Variants in PCDHGA3 observed in about 807,000 individuals in gnomAD.
The protein encoded by PCDHGA3 is protocadherin gamma subfamily A, 3.
A neutral mutation model predicts 58.5 loss-of-function variants in PCDHGA3; 40 were observed. The ratio of observed to expected loss-of-function variants is 0.68; its 90% CI spans 0.53 to 0.89. The LOEUF is 0.89. Ranked by LOEUF, PCDHGA3 falls within the 40% of genes least tolerant of loss-of-function variation. PCDHGA3 has a pLI of 0.00. For synonymous variants in PCDHGA3, 530 were observed against 525.7 expected, an observed-to-expected ratio of 1.01 and a Z score of -0.11; for missense variants, 1,223 against 1,195.9, an observed-to-expected ratio of 1.02 and a Z score of -0.33.
intron 1 of PCDHGA3, chr5:141,388,395 C>A (rs1445370262): frequency 2.5e-6 from 4 of 1,613,810 alleles, no homozygotes; most frequent in African/African-American, 2.7e-5. Flanking sequence ...GCAGAATTAC[C>A]AACTCAGTCC....
chr5:141,495,107 A>G (rs559621284), intron 2 of PCDHGA3, among the ~76,000 whole-genome samples: 1 of 152,166 alleles, frequency 6.6e-6, no homozygotes, highest in East Asian at 1.9e-4. Flanking sequence ...CACGACCGGC[A>G]CCTTTTCCTA....
At chr5:141,404,642 T>C in intron 1 of PCDHGA3, 20 of 1,614,190 alleles carry the variant, frequency 1.2e-5, no homozygotes, top group Non-Finnish European at 1.7e-5. Flanking sequence ...AGAAATCCTG[T>C]ACCCTGCCCT....
intron 1 of PCDHGA3, among the ~76,000 whole-genome samples, chr5:141,445,441 C>T (rs1201825256): frequency 6.6e-6 from 1 of 152,152 alleles, no homozygotes; most frequent in Admixed American, 6.6e-5. Context: ...GACCTATGGA[C>T]TAAGGATGCA....
chr5:141,359,488 T>C (rs1295415918), intron 1 of PCDHGA3, among the ~76,000 whole-genome samples: 2 of 151,294 alleles, frequency 1.3e-5, no homozygotes, highest in Non-Finnish European at 2.9e-5. Context: ...TATATTCATA[T>C]TACGGACTAC....
At chr5:141,441,793 C>T (rs961624726) in intron 1 of PCDHGA3, 7 of 391,390 alleles carry the variant, frequency 1.8e-5, no homozygotes, top group Non-Finnish European at 3.6e-5. Flanking sequence ...AATGACAACG[C>T]ACCGCGGGTG....
rs1332652972 is a variant in PCDHGA3, at chr5:141,432,381, C to T, written c.2425-62426C>T. On this transcript the variant is annotated intron_variant, in intron 1 of 3. Transcript: ENST00000253812. The surrounding 1 kb of genome is among the most constrained non-coding windows in gnomAD (Gnocchi z 6.0). ...ATGGCGCGGGACAACGGGCACCCGCCCCTCAGCAGCAACGTGTCGTTGAGC... is the reference window on the plus strand; with the variant it reads ...ATGGCGCGGGACAACGGGCACCCGCTCCTCAGCAGCAACGTGTCGTTGAGC... 1 of 1,614,256 alleles carries T rather than the reference C, an allele frequency of 6.2e-7. No homozygotes were observed. The highest frequency in any genetic ancestry group is 1.1e-5 in the South Asian group (1 of 91,082).
chr5:141,372,221 G>A (rs1229058896), intron 1 of PCDHGA3: 1 of 1,613,398 alleles, frequency 6.2e-7, no homozygotes, highest in African/African-American at 1.3e-5. Context: ...ACCACATTGT[G>A]CAGGCCAGCG....
chr5:141,419,967 TTCTC>T (rs1324855239), intron 1 of PCDHGA3: 2 of 1,614,086 alleles, frequency 1.2e-6, no homozygotes, highest in Admixed American at 3.3e-5. Context: ...TCTGTGCTCT[TTCTC>T]CTCGCGGTGA....
At chr5:141,504,959 T>C (rs1297800554) in intron 2 of PCDHGA3, among the ~76,000 whole-genome samples, 2 of 152,038 alleles carry the variant, frequency 1.3e-5, no homozygotes, top group Non-Finnish European at 2.9e-5. Flanking sequence ...GTTCAATGCA[T>C]TGGACCAGCC....
chr5:141,418,150 A>C (rs1377300460), intron 1 of PCDHGA3: 2 of 1,614,112 alleles, frequency 1.2e-6, no homozygotes, highest in Non-Finnish European at 8.5e-7. Context: ...AAATATGCAA[A>C]GAGAGAAGAA....
chr5:141,380,680 C>A (rs952566953), intron 1 of PCDHGA3, among the ~76,000 whole-genome samples: 2 of 152,184 alleles, frequency 1.3e-5, no homozygotes, highest in Middle Eastern at 3.2e-3. Context: ...GGTATGTATG[C>A]TTTGTGTTCG....
In PCDHGA3 at chr5:141,511,035, C is replaced by T. The variant is rs373005862; in HGVS notation, c.2661C>T (p.His887=). Residue 887 remains histidine (H), a synonymous_variant, in exon 4 of 4, where the codon CAC becomes CAT. Transcript: ENST00000253812. ...ACGGACCCCAGTTCACCCTGCAGCA[C>T]GTGCCCGACTACCGCCAGAATGTCT... ...ARYGPQFTLQ[H]VPDYRQNVYI... The T allele has an allele frequency of 1.7e-5, 27 of 1,614,208 alleles. No individual in the cohort carries two copies. The African/African-American group carries it at 2.9e-4, about 18-fold the overall frequency.
chr5:141,398,937 C>A, intron 1 of PCDHGA3: 1 of 1,613,902 alleles, frequency 6.2e-7, no homozygotes. Context: ...CTGACCAAGA[C>A]GAGGGCATCA....
At chr5:141,438,303 T>G (rs2097949191) in intron 1 of PCDHGA3, among the ~76,000 whole-genome samples, 1 of 152,068 alleles carries the variant, frequency 6.6e-6, no homozygotes, top group African/African-American at 2.4e-5. Flanking sequence ...TAAAAGAAGT[T>G]GGTACCACCA....
At chr5:141,448,394 T>C (rs1360417681) in intron 1 of PCDHGA3, among the ~76,000 whole-genome samples, 1 of 152,206 alleles carries the variant, frequency 6.6e-6, no homozygotes. Context: ...TACATTTACA[T>C]GGTTTTAAAA....
intron 1 of PCDHGA3, among the ~76,000 whole-genome samples, chr5:141,465,785 T>G (rs564238782): frequency 6.6e-6 from 1 of 152,262 alleles, no homozygotes; most frequent in South Asian, 2.1e-4. Flanking sequence ...TACAGTTTTT[T>G]TTTTTTTAAG....
chr5:141,345,268 G>T lies in PCDHGA3; in HGVS notation c.1235G>T (p.Arg412Leu), dbSNP rs759071710. 19 of 1,613,786 alleles carry T rather than the reference G, an allele frequency of 1.2e-5. No homozygotes were observed. The highest frequency in any genetic ancestry group is 8.5e-6 in the Non-Finnish European group (10 of 1,179,892). ...YRLVTATSLD[R>L]EQISEYNISL... ...TTAGTGACGGCCACATCCCTGGACC[G>T]CGAACAAATATCAGAATATAACATT... The change falls in exon 1 of 4, where the codon CGC becomes CTC. Residue 412 changes from arginine (R) to leucine (L), a missense_variant. Arg to Leu is a moderately radical substitution (Grantham distance 102, BLOSUM62 -2). Coordinates refer to ENST00000253812, the MANE Select transcript of PCDHGA3 (RefSeq NM_018916.4).
intron 2 of PCDHGA3, among the ~76,000 whole-genome samples, chr5:141,498,848 G>T (rs930895553): frequency 6.6e-6 from 1 of 151,908 alleles, no homozygotes; most frequent in African/African-American, 2.4e-5. Context: ...CAGGGGAATC[G>T]CTTGAACCCA....
chr5:141,409,753 G>T, intron 1 of PCDHGA3: 1 of 1,613,006 alleles, frequency 6.2e-7, no homozygotes. Context: ...TGTTCGCGCA[G>T]CGCGCCTTTG....
Sources: allele counts gnomAD v4.1 joint callset (sites outside exome capture counted in the v4.1 genomes callset), GRCh38; gene constraint gnomAD v4.1.1; non-coding constraint Gnocchi (gnomAD v3.1); transcripts MANE v1.5; gene names NCBI Gene and HGNC (gene_info 2026-07-23, HGNC 2026-07-21).